Variants in OR5V1 observed in about 807,000 individuals in gnomAD.
The protein encoded by OR5V1 is olfactory receptor 5V1.
For synonymous variants in OR5V1, 134 were observed against 143.2 expected, an observed-to-expected ratio of 0.94 and a Z score of 0.46; for missense variants, 365 against 371.5, an observed-to-expected ratio of 0.98 and a Z score of 0.14.
chr6:29,358,373 T>C (rs933867798), intron 1 of OR5V1, among the ~76,000 whole-genome samples: 6 of 152,136 alleles, frequency 3.9e-5, no homozygotes, highest in African/African-American at 1.2e-4. Flanking sequence ...GAAATGTAAA[T>C]TAATAGAGCC....
chr6:29,363,493 C>CA (rs1327210207), intron 1 of OR5V1, among the ~76,000 whole-genome samples: 4 of 152,060 alleles, frequency 2.6e-5, no homozygotes, highest in South Asian at 2.1e-4. Flanking sequence ...AAAGACACAA[C>CA]AAAAAAAGAA....
chr6:29,358,336 A>T (rs1198464228), intron 1 of OR5V1, among the ~76,000 whole-genome samples: 1 of 152,168 alleles, frequency 6.6e-6, no homozygotes, highest in Non-Finnish European at 1.5e-5. Context: ...AAAATGTGGA[A>T]AAAAGGGAAC....
chr6:29,359,185 CA>C (rs765136076), intron 1 of OR5V1, among the ~76,000 whole-genome samples: 1 of 152,124 alleles, frequency 6.6e-6, no homozygotes, highest in Non-Finnish European at 1.5e-5. Flanking sequence ...TTATAACCAA[CA>C]TATATTAAAT....
chr6:29,362,307 A>C (rs2151276531), intron 1 of OR5V1, among the ~76,000 whole-genome samples: 1 of 152,340 alleles, frequency 6.6e-6, no homozygotes, highest in East Asian at 1.9e-4. Flanking sequence ...ACAGACCTAC[A>C]AAAGACTTAG....
chr6:29,354,763 T>C lies in OR5V1; in HGVS notation c.*467A>G, dbSNP rs2151267667. ...AGGTAAAACATCACTTTACTGTGTT[T>C]ACATTTCTTAATCTATTGGTGATGA... On this transcript the variant is annotated 3_prime_UTR_variant, in exon 2 of 2. Coordinates refer to ENST00000641768, the MANE Select transcript of OR5V1 (RefSeq NM_030876.6). 6.5e-6 allele frequency: 1 copy of C among 152,902 alleles called. No homozygotes were observed. The allele number at this position is 152,902 out of a possible 1,614,324, so 9.5% of individuals were successfully genotyped here.
At position 29,355,899 on chromosome 6, in the gene OR5V1, A is replaced by G. The variant is rs763357597; in HGVS notation, c.297T>C (p.Val99=). 1 of 1,614,098 alleles carries G rather than the reference A, an allele frequency of 6.2e-7. No individual in the cohort carries two copies. Among genetic ancestry groups the G allele is most frequent in the Non-Finnish European group, 8.5e-7 (1 of 1,179,988 alleles). ...KKSISYVGCV[V]QLFAFVFFVG... ...CAAAGAAAACAAATGCAAAAAGTTGAACCACACACCCCACATAAGAAATGC... is the reference window on the plus strand; with the variant it reads ...CAAAGAAAACAAATGCAAAAAGTTGGACCACACACCCCACATAAGAAATGC... The change falls in exon 2 of 2, where the codon GTT becomes GTC. Residue 99 remains valine (V), a synonymous_variant. Coordinates refer to ENST00000641768, the MANE Select transcript of OR5V1 (RefSeq NM_030876.6).
At chr6:29,359,271 C>T (rs1010378352) in intron 1 of OR5V1, among the ~76,000 whole-genome samples, 3 of 152,072 alleles carry the variant, frequency 2.0e-5, no homozygotes, top group Non-Finnish European at 4.4e-5. Flanking sequence ...AAAACGCACA[C>T]GCACACAATG....
rs1778151424 is a variant in OR5V1, at chr6:29,354,318, T to G, written c.*912A>C. On this transcript the variant is annotated 3_prime_UTR_variant, in exon 2 of 2. Transcript: ENST00000641768. ...CCACCACTTAGTCTTCCTTCCCATT[T>G]GTCTTGACTTCATAACTGTACTTTA... 6.6e-6 allele frequency: 1 copy of G among 152,138 alleles called. No individual in the cohort carries two copies. Among genetic ancestry groups the G allele is most frequent in the Admixed American group, 6.6e-5 (1 of 15,248 alleles). The allele number at this position is 152,138 out of a possible 1,614,324, so 9.4% of individuals were successfully genotyped here.
chr6:29,360,117 A>G (rs1287713645), intron 1 of OR5V1, among the ~76,000 whole-genome samples: 1 of 152,156 alleles, frequency 6.6e-6, no homozygotes, highest in Admixed American at 6.5e-5. Context: ...TTGAGTAGGC[A>G]GTTTTCCCCT....
At chr6:29,364,260 G>T (rs1306215309) in intron 1 of OR5V1, among the ~76,000 whole-genome samples, 1 of 151,960 alleles carries the variant, frequency 6.6e-6, no homozygotes, top group Non-Finnish European at 1.5e-5. Flanking sequence ...CCTCTTTAAG[G>T]AGAATTACAA....
At chr6:29,363,149 C>T (rs984157634) in intron 1 of OR5V1, among the ~76,000 whole-genome samples, 10 of 152,080 alleles carry the variant, frequency 6.6e-5, no homozygotes, top group Non-Finnish European at 2.9e-5. Context: ...TAGAAACTAC[C>T]ATGAGAGAAT....
chr6:29,360,860 T>G (rs1236689991), intron 1 of OR5V1, among the ~76,000 whole-genome samples: 1 of 152,088 alleles, frequency 6.6e-6, no homozygotes, highest in Non-Finnish European at 1.5e-5. Context: ...AAAACATTCT[T>G]CTAGAGAAAA....
In OR5V1 at chr6:29,355,482, G is replaced by A. The variant is rs3117438; in HGVS notation, c.714C>T (p.Phe238=). Residue 238 remains phenylalanine (F), a synonymous_variant, in exon 2 of 2, where the codon TTC becomes TTT. Coordinates refer to ENST00000641768, the MANE Select transcript of OR5V1 (RefSeq NM_030876.6). ...IQSSEGRRKA[F]STCASHLAIV... is the part of the protein sequence containing the mutation. ...TGGCCAGGTGGGAGGCACATGTAGA[G>A]AAGGCTTTTCGTCTTCCCTCTGAGG... is the stretch of plus-strand genomic sequence containing the variant. 0.97 allele frequency: 1,559,017 copies of A among 1,613,966 alleles called. 753,276 individuals carry two copies. The highest frequency in any genetic ancestry group is 1 in the East Asian group (44,872 of 44,880).
chr6:29,367,375 TG>T (rs1778905651), intron 1 of OR5V1, among the ~76,000 whole-genome samples: 1 of 152,220 alleles, frequency 6.6e-6, no homozygotes, highest in Admixed American at 6.5e-5. Context: ...GTGCATATTC[TG>T]TCTTACTAAT....
At position 29,355,860 on chromosome 6, in the gene OR5V1, A is replaced by T. The variant is rs1219816521; in HGVS notation, c.336T>A (p.Cys112Ter). Residue 112 changes from cysteine (C) to a stop codon, truncating the protein, a stop_gained, in exon 2 of 2, where the codon TGT (cysteine) becomes TGA (stop). Transcript: ENST00000641768. LOFTEE classifies it low-confidence loss of function (END_TRUNC). Reference sequence around the variant, plus strand: ...CATATGCCATTGCTGCCAGTAGGAGACACTCTGATCCTACAAAGAAAACAA... The same window carrying T: ...CATATGCCATTGCTGCCAGTAGGAGTCACTCTGATCCTACAAAGAAAACAA... ...FAFVFFVGSE[C>*]LLLAAMAYDR... The T allele has an allele frequency of 6.2e-7, 1 of 1,613,858 alleles. No individual in the cohort carries two copies. Among genetic ancestry groups the T allele is most frequent in the Non-Finnish European group, 8.5e-7 (1 of 1,179,928 alleles).
intron 1 of OR5V1, among the ~76,000 whole-genome samples, chr6:29,362,861 C>T (rs12197616): frequency 0.35 from 53,509 of 151,556 alleles, 11,588 homozygotes; most frequent in Non-Finnish European, 0.48. Context: ...GATTTAAAAT[C>T]GACCCCCTAA....
rs916580140 is a variant in OR5V1, at chr6:29,355,535, T to A, written c.661A>T (p.Ile221Leu). Residue 221 changes from isoleucine (I) to leucine (L), a missense_variant, in exon 2 of 2, where the codon ATA (isoleucine) becomes TTA (leucine). Transcript: ENST00000641768. Reference protein sequence around the residue: ...FLCIVLSYICIISTILRIQSS... With the variant: ...FLCIVLSYICLISTILRIQSS... ...TGGATCCTCAAGATGGTGGAGATTA[T>A]GCAAATGTAGGAAAGTACGATACAA... 15 of 1,614,016 alleles carry A rather than the reference T, an allele frequency of 9.3e-6. No homozygotes were observed. The highest frequency in any genetic ancestry group is 1.3e-5 in the Non-Finnish European group (15 of 1,179,920).
In OR5V1 at chr6:29,355,458, G is replaced by A. The variant is rs749743438; in HGVS notation, c.738C>T (p.Ala246=). 6.2e-7 allele frequency: 1 copy of A among 1,613,998 alleles called. No homozygotes were observed. Among genetic ancestry groups the A allele is most frequent in the African/African-American group, 1.3e-5 (1 of 75,032 alleles). ...CGCTGCCATAAAAGAGAAAGACAAT[G>A]GCCAGGTGGGAGGCACATGTAGAGA... ...KAFSTCASHL[A]IVFLFYGSAI... is the part of the protein sequence containing the mutation. Residue 246 remains alanine (A), a synonymous_variant, in exon 2 of 2, where the codon GCC becomes GCT. Transcript: ENST00000641768.
intron 1 of OR5V1, among the ~76,000 whole-genome samples, chr6:29,363,694 A>C (rs192309533): frequency 5.2e-4 from 79 of 152,308 alleles, no homozygotes; most frequent in African/African-American, 1.8e-3. Context: ...CAATGACAAA[A>C]ACCACATGAT....
Sources: gnomAD v4.1 joint callset for allele counts (sites outside exome capture counted in the v4.1 genomes callset) on GRCh38, gnomAD v4.1.1 for gene constraint, MANE v1.5 for transcripts, NCBI Gene and HGNC (gene_info 2026-07-23, HGNC 2026-07-21) for gene names.